The following PCCA variants were observed in gnomAD, a reference collection of about 807,000 sequenced individuals.
PCCA encodes propionyl-CoA carboxylase alpha chain, mitochondrial.
Under a neutral mutation model 101.3 loss-of-function variants are expected in PCCA, and 74 were observed. That is an observed-to-expected ratio of 0.73 (90% CI 0.61 to 0.89). PCCA has a LOEUF of 0.89. Ranked by LOEUF, PCCA falls within the 40% of genes least tolerant of loss-of-function variation. The pLI, the probability that PCCA is intolerant of heterozygous loss-of-function variation, is 0.00. For missense variants in PCCA, 891 were observed against 907.0 expected (o/e 0.98, Z 0.23); for synonymous variants, 294 against 313.6 (o/e 0.94, Z 0.66).
intron 21 of PCCA, among the ~76,000 whole-genome samples, chr13:100,462,019 C>T (rs1038690763): frequency 6.6e-6 from 1 of 152,108 alleles, no homozygotes; most frequent in African/African-American, 2.4e-5. Context: ...ACAGAGCAGA[C>T]ACTTTGTGGA....
intron 21 of PCCA, among the ~76,000 whole-genome samples, chr13:100,495,483 G>GA (rs2085209099): frequency 6.6e-6 from 1 of 152,176 alleles, no homozygotes; most frequent in South Asian, 2.1e-4. Context: ...CTTTAGTGCA[G>GA]AAAATTTTTT....
chr13:100,164,872 A>T (rs1317506630), intron 6 of PCCA, among the ~76,000 whole-genome samples: 1 of 152,158 alleles, frequency 6.6e-6, no homozygotes, highest in Non-Finnish European at 1.5e-5. Context: ...GCCCCTGGTA[A>T]CCTTCCTTTT....
intron 19 of PCCA, among the ~76,000 whole-genome samples, chr13:100,376,694 G>A (rs1432779393): frequency 6.6e-6 from 1 of 152,192 alleles, no homozygotes; most frequent in Non-Finnish European, 1.5e-5. Context: ...TCAGACTGCT[G>A]TGCTGGCAGT....
intron 19 of PCCA, among the ~76,000 whole-genome samples, chr13:100,378,944 G>A (rs2076073061): frequency 6.6e-6 from 1 of 152,040 alleles, no homozygotes; most frequent in South Asian, 2.1e-4. Context: ...GATGGGATCT[G>A]TTGCTGCAGA....
chr13:100,191,397 G>A (rs2057732859), intron 6 of PCCA, among the ~76,000 whole-genome samples: 1 of 152,164 alleles, frequency 6.6e-6, no homozygotes, highest in Non-Finnish European at 1.5e-5. Flanking sequence ...GTGTGACTGA[G>A]ACTCTGGAGT....
intron 21 of PCCA, among the ~76,000 whole-genome samples, chr13:100,488,879 C>G (rs908579184): frequency 5.3e-5 from 8 of 152,104 alleles, no homozygotes; most frequent in Admixed American, 1.3e-4. Context: ...CCATGGGCCA[C>G]TCCCTTACCC....
At chr13:100,425,851 T>C in intron 20 of PCCA, 120 bp downstream of exon 20, 1 of 712,388 alleles carries the variant, frequency 1.4e-6, no homozygotes, top group Non-Finnish European at 2.5e-6. Flanking sequence ...ACCTTATACT[T>C]TTTACAGTCG....
In PCCA at chr13:100,444,673, C is replaced by A. The variant is rs915412198; in HGVS notation, c.1846-4579C>A. 2.0e-5 allele frequency among the ~76,000 whole-genome samples: 3 copies of A among 152,074 alleles called. No individual in the cohort carries two copies. The South Asian group carries it at 6.2e-4, about 32-fold the overall frequency. ...AGCCAGGATGGTCTCAATCTCCTGA[C>A]CTGGTGATCCGCCCACCTTGGCCTC... On this transcript the variant is annotated intron_variant, in intron 20 of 23. Transcript: ENST00000376285.
chr13:100,142,064 TAC>T (rs141158958), intron 4 of PCCA, among the ~76,000 whole-genome samples: 13,323 of 152,184 alleles, frequency 0.088, 615 homozygotes, highest in South Asian at 0.1. Flanking sequence ...TTTTATTATA[TAC>T]AGTTTTTCTT....
At chr13:100,260,137 A>G (rs377377523) in intron 9 of PCCA, among the ~76,000 whole-genome samples, 285 of 152,250 alleles carry the variant, frequency 1.9e-3, no homozygotes, top group African/African-American at 6.3e-3. Flanking sequence ...AGTTGATTAT[A>G]TGGTATCGAA....
chr13:100,291,824 C>CT (rs1335656410), intron 12 of PCCA, among the ~76,000 whole-genome samples: 1 of 152,240 alleles, frequency 6.6e-6, no homozygotes, highest in Non-Finnish European at 1.5e-5. Context: ...CCTTTATTGA[C>CT]TTTTCCCCTG....
intron 15 of PCCA, among the ~76,000 whole-genome samples, chr13:100,308,183 G>C (rs140560939): frequency 1.5e-3 from 234 of 152,246 alleles, no homozygotes; most frequent in African/African-American, 5.4e-3. Flanking sequence ...AAAATTCTGT[G>C]TTCTCTGAAA....
chr13:100,165,674 G>A (rs575907349), intron 6 of PCCA, among the ~76,000 whole-genome samples: 18 of 151,958 alleles, frequency 1.2e-4, no homozygotes, highest in African/African-American at 3.9e-4. Context: ...CATTTTGCAC[G>A]TCAACTTAAG....
chr13:100,429,719 G>A (rs2152899826), intron 20 of PCCA, among the ~76,000 whole-genome samples: 1 of 152,014 alleles, frequency 6.6e-6, no homozygotes, highest in Non-Finnish European at 1.5e-5. Flanking sequence ...CGATTCTCTT[G>A]CCTCAGCCTC....
chr13:100,380,686 T>C (rs901080288), intron 19 of PCCA, among the ~76,000 whole-genome samples: 1 of 152,152 alleles, frequency 6.6e-6, no homozygotes. Flanking sequence ...CAAAAATTAA[T>C]CCAAAATGGA....
Position 100,286,747 on chromosome 13 carries a change from C to CT in PCCA, c.1065+13415dup, listed in dbSNP as rs547082648. Among the ~76,000 whole-genome samples, 318 of 137,720 alleles carry CT rather than the reference C, an allele frequency of 2.3e-3. 4 individuals carry two copies. In the South Asian group the frequency reaches 0.032, roughly 14 times the overall value. The allele number at this position is 137,720 out of a possible 152,430, so 90.3% of individuals were successfully genotyped here. ...GGAGGATAGTTAAGGGAGGAGAAAC[C>CT]TTTTTTTTTTTTTTAATGTCTTGGC... On this transcript the variant is annotated intron_variant, in intron 12 of 23. Coordinates refer to ENST00000376285, the MANE Select transcript of PCCA (RefSeq NM_000282.4).
intron 21 of PCCA, among the ~76,000 whole-genome samples, chr13:100,461,985 A>C (rs2152942821): frequency 6.6e-6 from 1 of 152,298 alleles, no homozygotes; most frequent in East Asian, 1.9e-4. Context: ...TTTCTAGTCC[A>C]ACAATAGGAA....
chr13:100,425,269 T>C (rs2079064270), intron 19 of PCCA, among the ~76,000 whole-genome samples: 1 of 152,252 alleles, frequency 6.6e-6, no homozygotes, highest in South Asian at 2.1e-4. Context: ...GGAGAGGATA[T>C]TATATGCAAG....
At chr13:100,432,601 T>C (rs1307204386) in intron 20 of PCCA, among the ~76,000 whole-genome samples, 2 of 152,170 alleles carry the variant, frequency 1.3e-5, no homozygotes, top group East Asian at 1.9e-4. Context: ...AGTGGAGATA[T>C]TACAACTTTT....
Sources: gnomAD v4.1 joint callset for allele counts (sites outside exome capture counted in the v4.1 genomes callset) on GRCh38, gnomAD v4.1.1 for gene constraint, MANE v1.5 for transcripts, NCBI Gene and HGNC (gene_info 2026-07-23, HGNC 2026-07-21) for gene names.